CAMK2D: variants seen among roughly 807,000 people sequenced by gnomAD.
CAMK2D encodes calcium/calmodulin-dependent protein kinase type II subunit delta.
Under a neutral mutation model 84.0 loss-of-function variants are expected in CAMK2D, and 37 were observed. That is an observed-to-expected ratio of 0.44 (90% CI 0.34 to 0.58). CAMK2D has a LOEUF of 0.58. Ranked by LOEUF, CAMK2D falls within the 20% of genes least tolerant of loss-of-function variation. The pLI is 0.02. For missense variants in CAMK2D, 448 were observed against 652.5 expected (o/e 0.69, Z 3.41); for synonymous variants, 202 against 212.5 (o/e 0.95, Z 0.43).
chr4:113,472,246 T>C (rs1589815842), intron 16 of CAMK2D, among the ~76,000 whole-genome samples: 1 of 152,350 alleles, frequency 6.6e-6, no homozygotes, highest in East Asian at 1.9e-4. Flanking sequence ...TAAATATCAG[T>C]ATATGGTTAG....
intron 19 of CAMK2D, chr4:113,456,473 T>C (rs771282794): frequency 6.6e-6 from 1 of 151,394 alleles, no homozygotes; most frequent in Non-Finnish European, 1.5e-5. Flanking sequence ...TAAATCCTGA[T>C]ATTGTACTTT....
At chr4:113,629,551 A>G (rs1435214394) in intron 3 of CAMK2D, among the ~76,000 whole-genome samples, 1 of 152,080 alleles carries the variant, frequency 6.6e-6, no homozygotes, top group African/African-American at 2.4e-5. Context: ...TACTACATGT[A>G]ATATACTCTG....
chr4:113,711,194 A>G (rs895799729), intron 2 of CAMK2D, among the ~76,000 whole-genome samples: 1 of 150,150 alleles, frequency 6.7e-6, no homozygotes, highest in Non-Finnish European at 1.5e-5. Context: ...TACATCATCT[A>G]TTATGTTTCA....
chr4:113,575,338 G>A (rs768075060), intron 4 of CAMK2D, among the ~76,000 whole-genome samples: 1 of 151,974 alleles, frequency 6.6e-6, no homozygotes, highest in African/African-American at 2.4e-5. Context: ...TTAGGGACAG[G>A]GCTATTTTCT....
At chr4:113,525,262 G>T (rs2098407511) in intron 8 of CAMK2D, among the ~76,000 whole-genome samples, 1 of 152,114 alleles carries the variant, frequency 6.6e-6, no homozygotes, top group Non-Finnish European at 1.5e-5. Flanking sequence ...CAGAAAAGTA[G>T]CAAGACAACA....
intron 16 of CAMK2D, among the ~76,000 whole-genome samples, chr4:113,467,352 C>T (rs1160597799): frequency 1.3e-5 from 2 of 152,178 alleles, no homozygotes; most frequent in African/African-American, 4.8e-5. Context: ...TACTTTCACT[C>T]TGAAACTTCA....
intron 2 of CAMK2D, among the ~76,000 whole-genome samples, chr4:113,713,887 T>G (rs186436534): frequency 1.1e-3 from 169 of 151,736 alleles, no homozygotes; most frequent in Admixed American, 2.0e-3. Context: ...AACTTTTTTT[T>G]TGGGGGGGTG....
chr4:113,576,013 G>A lies in CAMK2D; in HGVS notation c.276-23917C>T, dbSNP rs554521729. On this transcript the variant is annotated intron_variant, in intron 4 of 20. Transcript: ENST00000511664. ...TTCTAGCTAAAGTTAGAAAATACTC[G>A]GTCATCACTTATTAAGCTCTTTTAA... Among the ~76,000 whole-genome samples, 129 of 151,896 alleles carry A rather than the reference G, an allele frequency of 8.5e-4. 1 individual carries two copies. Among genetic ancestry groups the A allele is most frequent in the African/African-American group, 2.7e-3 (112 of 41,432 alleles).
At chr4:113,623,738 C>CTGTG (rs3064581) in intron 3 of CAMK2D, among the ~76,000 whole-genome samples, 3,388 of 149,044 alleles carry the variant, frequency 0.023, 130 homozygotes, top group African/African-American at 0.073. Context: ...TATGCAGTGA[C>CTGTG]TGTGTGTGTG....
intron 16 of CAMK2D, among the ~76,000 whole-genome samples, chr4:113,468,342 G>C (rs944922938): frequency 6.6e-6 from 1 of 152,120 alleles, no homozygotes; most frequent in African/African-American, 2.4e-5. Context: ...CAACAAATGG[G>C]AATTAGCCAG....
At chr4:113,462,298 GTCTGTCTGTC>G (rs1564402999) in intron 17 of CAMK2D, among the ~76,000 whole-genome samples, 5,599 of 113,362 alleles carry the variant, frequency 0.049, 177 homozygotes, top group Non-Finnish European at 0.069. Context: ...GTGTGTGTCT[GTCTGTCTGTC>G]TGTCTGTCTG....
At chr4:113,632,727 A>G (rs2099095118) in intron 3 of CAMK2D, among the ~76,000 whole-genome samples, 1 of 152,206 alleles carries the variant, frequency 6.6e-6, no homozygotes, top group Non-Finnish European at 1.5e-5. Context: ...AGCATAATAT[A>G]GTCAGTAAAT....
At chr4:113,636,320 C>G (rs2189367) in intron 3 of CAMK2D, among the ~76,000 whole-genome samples, 75,946 of 151,760 alleles carry the variant, frequency 0.5, 22,232 homozygotes, top group African/African-American at 0.78. Flanking sequence ...TGTTCTATTT[C>G]CATTGCTGCT....
intron 4 of CAMK2D, among the ~76,000 whole-genome samples, chr4:113,592,064 TA>T (rs2098890389): frequency 6.6e-6 from 1 of 152,162 alleles, no homozygotes; most frequent in South Asian, 2.1e-4. Flanking sequence ...ATGAATGTAT[TA>T]TAATAGCAAA....
intron 2 of CAMK2D, among the ~76,000 whole-genome samples, chr4:113,697,188 T>A (rs1010181266): frequency 6.6e-6 from 1 of 152,136 alleles, no homozygotes; most frequent in African/African-American, 2.4e-5. Context: ...AACATGTATA[T>A]GCAAGAGCAT....
chr4:113,719,499 T>C (rs1392083761), intron 2 of CAMK2D, among the ~76,000 whole-genome samples: 2 of 152,246 alleles, frequency 1.3e-5, no homozygotes, highest in Non-Finnish European at 2.9e-5. Context: ...AATTCGTGAA[T>C]TGCTATTAAA....
chr4:113,675,873 A>T (rs1008237927), intron 2 of CAMK2D, among the ~76,000 whole-genome samples: 1 of 152,222 alleles, frequency 6.6e-6, no homozygotes, highest in Non-Finnish European at 1.5e-5. Context: ...GGGTAAGCCA[A>T]GATCTGTACA....
intron 2 of CAMK2D, among the ~76,000 whole-genome samples, chr4:113,713,666 A>G (rs1159804567): frequency 6.6e-6 from 1 of 151,226 alleles, no homozygotes; most frequent in Non-Finnish European, 1.5e-5. Flanking sequence ...ATCTTTTCAT[A>G]TAATTACTGA....
intron 3 of CAMK2D, among the ~76,000 whole-genome samples, chr4:113,655,807 C>A (rs1044214032): frequency 3.3e-5 from 5 of 152,078 alleles, no homozygotes; most frequent in Non-Finnish European, 2.9e-5. Flanking sequence ...CCTGGCCCAG[C>A]TGTTTTTGGA....
Sources: gnomAD v4.1 joint callset for allele counts (sites outside exome capture counted in the v4.1 genomes callset) on GRCh38, gnomAD v4.1.1 for gene constraint, MANE v1.5 for transcripts, NCBI Gene and HGNC (gene_info 2026-07-23, HGNC 2026-07-21) for gene names.